The following BMPR2 variants were observed in gnomAD, a reference collection of about 807,000 sequenced individuals.
The protein encoded by BMPR2 is bone morphogenetic protein receptor type-2.
A neutral mutation model predicts 100.8 loss-of-function variants in BMPR2; 29 were observed. That is an observed-to-expected ratio of 0.29 (90% CI 0.21 to 0.39). The LOEUF (loss-of-function observed/expected upper bound fraction) is 0.39, where lower values mean the gene tolerates loss of function less well. BMPR2 is among the 10% of genes least tolerant of loss of function. BMPR2 has a pLI of 1.00. For missense variants in BMPR2, 1,011 were observed against 1,274.5 expected (o/e 0.79, Z 3.15); for synonymous variants, 382 against 442.3 (o/e 0.86, Z 1.71).
At chr2:202,514,042 A>C (rs112397500) in intron 4 of BMPR2, among the ~76,000 whole-genome samples, 22 of 152,218 alleles carry the variant, frequency 1.4e-4, no homozygotes, top group African/African-American at 5.3e-4. Flanking sequence ...GAAGCAAATC[A>C]CAGATATCAT....
intron 3 of BMPR2, among the ~76,000 whole-genome samples, chr2:202,480,881 G>A (rs1692645302): frequency 6.7e-6 from 1 of 149,956 alleles, no homozygotes; most frequent in African/African-American, 2.5e-5. Flanking sequence ...CATGAATCTG[G>A]GAGGTGGAGG....
chr2:202,440,914 AT>A (rs1277598201), intron 1 of BMPR2, among the ~76,000 whole-genome samples: 1 of 150,570 alleles, frequency 6.6e-6, no homozygotes, highest in African/African-American at 2.5e-5. Context: ...TTGTATATTT[AT>A]TAAGACATTA....
At chr2:202,470,065 T>A (rs1484213831) in intron 3 of BMPR2, among the ~76,000 whole-genome samples, 1 of 152,066 alleles carries the variant, frequency 6.6e-6, no homozygotes, top group African/African-American at 2.4e-5. Context: ...AAGTTGAGGC[T>A]GGGTGCAGGG....
intron 1 of BMPR2, among the ~76,000 whole-genome samples, chr2:202,458,434 C>G (rs930276477): frequency 2.6e-5 from 4 of 151,974 alleles, no homozygotes; most frequent in Non-Finnish European, 5.9e-5. Context: ...TGTGCCACTG[C>G]ACTCAAGCTG....
intron 7 of BMPR2, among the ~76,000 whole-genome samples, chr2:202,523,853 C>T (rs1271245962): frequency 6.6e-6 from 1 of 152,118 alleles, no homozygotes; most frequent in Non-Finnish European, 1.5e-5. Flanking sequence ...CCATCGAGTA[C>T]TACACAGCCA....
intron 1 of BMPR2, among the ~76,000 whole-genome samples, chr2:202,455,995 G>C (rs1692090318): frequency 7.1e-6 from 1 of 140,876 alleles, no homozygotes; most frequent in Admixed American, 7.6e-5. Context: ...AACCGGGGAG[G>C]CAGAGCTTGC....
chr2:202,566,676 C>T lies in BMPR2; in HGVS notation c.*6730C>T, dbSNP rs1041419217. 2.0e-5 allele frequency: 3 copies of T among 152,082 alleles called. No individual in the cohort carries two copies. The highest frequency in any genetic ancestry group is 2.9e-5 in the Non-Finnish European group (2 of 67,978). The allele number at this position is 152,082 out of a possible 1,614,324, so 9.4% of individuals were successfully genotyped here. ...AGGATTTTCTCAAGAGACAATTTAA[C>T]GTTATAAAGCCTTCTAAAAGTGAAC... On this transcript the variant is annotated 3_prime_UTR_variant, in exon 13 of 13. Coordinates refer to ENST00000374580, the MANE Select transcript of BMPR2 (RefSeq NM_001204.7).
At chr2:202,471,436 T>C (rs1376743399) in intron 3 of BMPR2, among the ~76,000 whole-genome samples, 2 of 152,010 alleles carry the variant, frequency 1.3e-5, no homozygotes, top group African/African-American at 2.4e-5. Flanking sequence ...ATGGGAAAAA[T>C]GGACACCTTG....
chr2:202,460,866 G>C lies in BMPR2; in HGVS notation c.77-3943G>C, dbSNP rs1311137601. Among the ~76,000 whole-genome samples, 3 of 149,602 alleles carry C rather than the reference G, an allele frequency of 2.0e-5. No homozygotes were observed. The East Asian group carries it at 5.9e-4, about 29-fold the overall frequency. On this transcript the variant is annotated intron_variant, in intron 1 of 12. Transcript: ENST00000374580. ...GATAGGGTATCACTCTGTTACCCAGGATAGGCTACAGTATTGCCCTAGTAA... is the reference window on the plus strand; with the variant it reads ...GATAGGGTATCACTCTGTTACCCAGCATAGGCTACAGTATTGCCCTAGTAA...
At chr2:202,551,958 G>A (rs141122062) in intron 10 of BMPR2, among the ~76,000 whole-genome samples, 10 of 151,264 alleles carry the variant, frequency 6.6e-5, no homozygotes, top group Non-Finnish European at 1.2e-4. Flanking sequence ...TGGTTCAAGC[G>A]ATTCTTCTGC....
At chr2:202,413,980 T>C (rs914164714) in intron 1 of BMPR2, among the ~76,000 whole-genome samples, 10 of 152,178 alleles carry the variant, frequency 6.6e-5, no homozygotes, top group African/African-American at 2.4e-4. Flanking sequence ...TATTAATATA[T>C]GTTTCATATA....
chr2:202,556,417 C>A lies in BMPR2; in HGVS notation c.2752C>A (p.Gln918Lys). The A allele has an allele frequency of 6.2e-7, 1 of 1,614,196 alleles. No individual in the cohort carries two copies. Among genetic ancestry groups the A allele is most frequent in the South Asian group, 1.1e-5 (1 of 91,078 alleles). Residue 918 changes from glutamine (Q) to lysine (K), a missense_variant, in exon 12 of 13, where the codon CAG (glutamine) becomes AAG (lysine). Gln to Lys is a moderately conservative substitution (Grantham distance 53, BLOSUM62 1). Coordinates refer to ENST00000374580, the MANE Select transcript of BMPR2 (RefSeq NM_001204.7). ...ATGTTCAGAACAAGATGTTCTTGCA[C>A]AGGGTGTTCCAAGCACAGCAGCAGA... is the stretch of plus-strand genomic sequence containing the variant. ...NPCSEQDVLA[Q>K]GVPSTAADPG...
At chr2:202,424,500 A>G (rs1691342838) in intron 1 of BMPR2, among the ~76,000 whole-genome samples, 1 of 152,058 alleles carries the variant, frequency 6.6e-6, no homozygotes, top group Non-Finnish European at 1.5e-5. Context: ...GTTCGAGACC[A>G]GCCTGGCCAA....
chr2:202,381,009 C>G (rs1178990028), intron 1 of BMPR2, among the ~76,000 whole-genome samples: 1 of 119,476 alleles, frequency 8.4e-6, no homozygotes, highest in African/African-American at 3.3e-5. Context: ...GAGTCTGGCT[C>G]GGTCACCCAG....
chr2:202,492,234 T>C (rs1220820332), intron 3 of BMPR2, among the ~76,000 whole-genome samples: 1 of 152,068 alleles, frequency 6.6e-6, no homozygotes, highest in Non-Finnish European at 1.5e-5. Context: ...TTTGGGACCC[T>C]TGGTGTTGTA....
intron 12 of BMPR2, among the ~76,000 whole-genome samples, chr2:202,558,852 C>T (rs1688630075): frequency 7.0e-6 from 1 of 141,972 alleles, no homozygotes; most frequent in African/African-American, 2.6e-5. Flanking sequence ...GAGATCATGT[C>T]ATTGCACTCC....
chr2:202,482,561 C>T (rs148802328), intron 3 of BMPR2, among the ~76,000 whole-genome samples: 14,635 of 147,446 alleles, frequency 0.099, 957 homozygotes, highest in South Asian at 0.24. Context: ...TTTTTTGAGA[C>T]GGAGTCTCAC....
intron 1 of BMPR2, among the ~76,000 whole-genome samples, chr2:202,459,277 T>C (rs1003868168): frequency 1.9e-4 from 29 of 152,310 alleles, no homozygotes; most frequent in African/African-American, 6.7e-4. Flanking sequence ...GCTCCATACC[T>C]GTTGAATAAA....
chr2:202,508,103 T>C (rs1468308569), intron 3 of BMPR2, among the ~76,000 whole-genome samples: 1 of 149,234 alleles, frequency 6.7e-6, no homozygotes, highest in Non-Finnish European at 1.5e-5. Context: ...ATTATTATTA[T>C]TATTATTATT....
Sources: gnomAD v4.1 joint callset for allele counts (sites outside exome capture counted in the v4.1 genomes callset) on GRCh38, gnomAD v4.1.1 for gene constraint, MANE v1.5 for transcripts, NCBI Gene and HGNC (gene_info 2026-07-23, HGNC 2026-07-21) for gene names.